JMJD7: variants seen among roughly 807,000 people sequenced by gnomAD.
The protein encoded by JMJD7 is jumonji domain containing 7, also known as bifunctional peptidase and (3S)-lysyl hydroxylase JMJD7.
A neutral mutation model predicts 41.1 loss-of-function variants in JMJD7; 41 were observed. That is an observed-to-expected ratio of 1.00 (90% confidence interval 0.78 to 1.30). JMJD7 has a LOEUF of 1.30. Ranked by LOEUF, JMJD7 falls within the 50% of genes most tolerant of loss-of-function variation. The probability of loss-of-function intolerance (pLI) is 0.00; values close to 1 mark genes in which losing one functional copy is unlikely to be tolerated. For missense variants in JMJD7, 480 were observed against 420.7 expected (o/e 1.14, Z -1.23); for synonymous variants, 202 against 177.2 (o/e 1.14, Z -1.11).
At chr15:41,834,938 T>C in intron 2 of JMJD7, 32 bp from the exon 3 acceptor site, 2 of 1,613,486 alleles carry the variant, frequency 1.2e-6, no homozygotes, top group Non-Finnish European at 1.7e-6. Context: ...ATTACTGGCA[T>C]CTGGGCATGG....
chr15:41,828,677 C>T (rs2065179691), intron 1 of JMJD7, among the ~76,000 whole-genome samples: 1 of 151,894 alleles, frequency 6.6e-6, no homozygotes, highest in South Asian at 2.1e-4. Flanking sequence ...GATTTCTTAC[C>T]ACTGAACAGC....
At chr15:41,829,081 C>G (rs935317108) in intron 1 of JMJD7, 1 of 152,222 alleles carries the variant, frequency 6.6e-6, no homozygotes, top group Non-Finnish European at 1.5e-5. Flanking sequence ...CATCACTGAA[C>G]AAAACAAATC....
At chr15:41,833,321 T>A (rs1447182190) in intron 1 of JMJD7, among the ~76,000 whole-genome samples, 1 of 150,076 alleles carries the variant, frequency 6.7e-6, no homozygotes, top group African/African-American at 2.4e-5. Context: ...AACAGACAAC[T>A]GTCTCTGCCC....
chr15:41,834,580 C>T (rs1032469477), intron 1 of JMJD7, among the ~76,000 whole-genome samples, 160 bp from the exon 2 acceptor site: 4 of 152,240 alleles, frequency 2.6e-5, no homozygotes, highest in East Asian at 3.8e-4. Context: ...TTCATTTTTC[C>T]GTCCTCATCT....
chr15:41,832,127 G>A (rs116839520), intron 1 of JMJD7, among the ~76,000 whole-genome samples: 5,001 of 152,256 alleles, frequency 0.033, 164 homozygotes, highest in African/African-American at 0.07. Context: ...CACCTGTGTT[G>A]GCACCTGAAG....
intron 1 of JMJD7, among the ~76,000 whole-genome samples, chr15:41,833,258 T>C (rs2065254567): frequency 6.6e-6 from 1 of 151,866 alleles, no homozygotes; most frequent in Non-Finnish European, 1.5e-5. Flanking sequence ...AAATACTTGC[T>C]GAGCACATGC....
At chr15:41,836,309 G>T in intron 5 of JMJD7, 66 bp downstream of exon 5, 1 of 1,598,824 alleles carries the variant, frequency 6.3e-7, no homozygotes, top group South Asian at 1.1e-5. Flanking sequence ...GAGGCAGCAA[G>T]AGCCTGGGAG....
At chr15:41,831,194 C>T (rs961533571) in intron 1 of JMJD7, among the ~76,000 whole-genome samples, 5 of 152,212 alleles carry the variant, frequency 3.3e-5, no homozygotes, top group African/African-American at 1.2e-4. Flanking sequence ...ATGGGACGAC[C>T]AGCTGCGGGG....
chr15:41,828,305 G>A (rs879063753), intron 1 of JMJD7, 117 bp downstream of exon 1: 2 of 1,278,378 alleles, frequency 1.6e-6, no homozygotes, highest in Admixed American at 4.0e-5. Context: ...CCCCGCTCGG[G>A]TTGCTCTTCT....
intron 5 of JMJD7, 49 bp from the exon 6 acceptor site, chr15:41,836,426 G>T: frequency 6.4e-7 from 1 of 1,558,540 alleles, no homozygotes; most frequent in African/African-American, 1.4e-5. Flanking sequence ...GGTCTGGCAA[G>T]TTCCAGGCTG....
intron 1 of JMJD7, among the ~76,000 whole-genome samples, chr15:41,833,006 G>T (rs2065251287): frequency 6.6e-6 from 1 of 152,224 alleles, no homozygotes; most frequent in South Asian, 2.1e-4. Flanking sequence ...AAATCAGACT[G>T]GAAGAGTAGG....
At chr15:41,836,709 CT>C in intron 6 of JMJD7, 71 bp from the exon 7 acceptor site, 1 of 1,511,618 alleles carries the variant, frequency 6.6e-7, no homozygotes. Flanking sequence ...TGGTGTTGAC[CT>C]TTGGAAGGGA....
intron 1 of JMJD7, chr15:41,832,324 C>A: frequency 5.5e-6 from 1 of 181,472 alleles, no homozygotes; most frequent in Admixed American, 6.0e-5. Context: ...CAGGCAAAGG[C>A]ATCACTGGCC....
intron 5 of JMJD7, 113 bp downstream of exon 5, chr15:41,836,356 C>G (rs1268676510): frequency 6.4e-7 from 1 of 1,556,184 alleles, no homozygotes; most frequent in East Asian, 2.3e-5. Flanking sequence ...TGTGGCATCC[C>G]CAGTGCACCA....
intron 3 of JMJD7, 93 bp downstream of exon 3, chr15:41,835,316 A>G (rs541847469): frequency 1.3e-5 from 19 of 1,495,998 alleles, no homozygotes; most frequent in East Asian, 2.4e-5. Context: ...GACCTGGCCT[A>G]TGGGCTTGGT....
intron 1 of JMJD7, among the ~76,000 whole-genome samples, chr15:41,832,200 C>G (rs901042692): frequency 6.6e-6 from 1 of 152,214 alleles, no homozygotes; most frequent in African/African-American, 2.4e-5. Context: ...CACACTCATT[C>G]GCTCACACAC....
chr15:41,836,332 G>A, intron 5 of JMJD7, 89 bp downstream of exon 5: 2 of 1,578,704 alleles, frequency 1.3e-6, no homozygotes, highest in Non-Finnish European at 1.7e-6. Context: ...CAGTTCCCAG[G>A]CCTGAGGTGT....
chr15:41,836,220 GCGACCGGCCCTTCATC>G lies in JMJD7; in HGVS notation c.604_619del (p.Asp202ProfsTer12), dbSNP rs2065313022. The G allele has an allele frequency of 6.2e-7, 1 of 1,613,086 alleles. No homozygotes were observed. The highest frequency in any genetic ancestry group is 1.3e-5 in the African/African-American group (1 of 74,902). ...AAGCATTTCCTGTTCCATCCGCCCA[GCGACCGGCCCTTCATC>G]CCCTATGGTAGGGGATGTGGCCTGC... is the stretch of plus-strand genomic sequence containing the variant. On this transcript the variant is annotated frameshift_variant, in exon 5 of 8. Coordinates refer to ENST00000397299, the MANE Select transcript of JMJD7 (RefSeq NM_001114632.2). LOFTEE classifies it high-confidence loss of function.
chr15:41,835,277 G>A (rs539179690), intron 3 of JMJD7, 54 bp downstream of exon 3: 1 of 1,558,142 alleles, frequency 6.4e-7, no homozygotes, highest in Admixed American at 1.9e-5. Flanking sequence ...TGGGAAGGAG[G>A]GGGGTCAGCC....
Sources: allele counts gnomAD v4.1 joint callset (sites outside exome capture counted in the v4.1 genomes callset), GRCh38; gene constraint gnomAD v4.1.1; transcripts MANE v1.5; gene names NCBI Gene and HGNC (gene_info 2026-07-23, HGNC 2026-07-21).